RP1: variants seen among roughly 807,000 people sequenced by gnomAD.
RP1 encodes RP1 axonemal microtubule associated.
In RP1, 16 loss-of-function variants were observed where a neutral mutation model predicts 14.8. The observed-to-expected ratio is 1.08, with a 90% CI of 0.73 to 1.65. The LOEUF (loss-of-function observed/expected upper bound fraction) is 1.65. RP1 is among the 40% of genes most tolerant of loss of function. The pLI is 0.00. For missense variants in RP1, 2,631 were observed against 2,535.0 expected (o/e 1.04, Z -0.81); for synonymous variants, 876 against 883.6 (o/e 0.99, Z 0.15).
At chr8:54,767,883 A>G (rs1809799989) in intron 22 of RP1, among the ~76,000 whole-genome samples, 1 of 152,240 alleles carries the variant, frequency 6.6e-6, no homozygotes, top group Non-Finnish European at 1.5e-5. Flanking sequence ...TAAAGTGGTC[A>G]GAAGGAAATG....
chr8:54,775,682 A>T (rs764661743), intron 23 of RP1, among the ~76,000 whole-genome samples: 1 of 152,230 alleles, frequency 6.6e-6, no homozygotes, highest in South Asian at 2.1e-4. Context: ...TTTCAAGGGC[A>T]TAAGAAATGA....
chr8:54,666,712 A>T (rs1305167054), intron 7 of RP1, among the ~76,000 whole-genome samples: 5 of 151,568 alleles, frequency 3.3e-5, no homozygotes, highest in Admixed American at 6.6e-5. Context: ...GTGCAGTCAG[A>T]CCTCTTCCAG....
intron 24 of RP1, among the ~76,000 whole-genome samples, chr8:54,796,957 G>T (rs1012713885): frequency 6.6e-6 from 1 of 152,146 alleles, no homozygotes; most frequent in Non-Finnish European, 1.5e-5. Flanking sequence ...AGATATTATA[G>T]GGAATGATAG....
intron 24 of RP1, among the ~76,000 whole-genome samples, chr8:54,787,395 C>A (rs1294639091): frequency 6.6e-6 from 1 of 152,000 alleles, no homozygotes; most frequent in Non-Finnish European, 1.5e-5. Flanking sequence ...CCATTGAAAT[C>A]ATGAAAATTT....
chr8:54,818,739 G>T (rs373967116), intron 24 of RP1, among the ~76,000 whole-genome samples: 1 of 152,338 alleles, frequency 6.6e-6, no homozygotes, highest in East Asian at 1.9e-4. Flanking sequence ...TCTACTTTGA[G>T]AGGTGAATTA....
chr8:54,730,960 C>T (rs1412213070), intron 17 of RP1, among the ~76,000 whole-genome samples: 4 of 152,024 alleles, frequency 2.6e-5, no homozygotes, highest in Admixed American at 2.6e-4. Context: ...ATTACACTAT[C>T]AGATATTAGG....
rs886062991 is a variant in RP1 at position 54,626,406 on chromosome 8, G to A, written c.2524G>A (p.Val842Met). 6.2e-7 allele frequency: 1 copy of A among 1,613,518 alleles called. No homozygotes were observed. The change falls in exon 4 of 4, where the codon GTG becomes ATG. Residue 842 changes from valine to methionine, a missense_variant. Val to Met is a conservative substitution (Grantham distance 21). Coordinates refer to ENST00000220676, the MANE Select transcript of RP1 (RefSeq NM_006269.2). ...DFYAPQSQAE[V>M]ASGYLRGMAK... ...TTATGCACCGCAATCTCAAGCAGAA[G>A]TGGCATCTGGGTATTTGAGAGGAAT...
At chr8:54,679,370 T>A (rs1338438146) in intron 9 of RP1, 1 of 1,448,826 alleles carries the variant, frequency 6.9e-7, no homozygotes, top group Non-Finnish European at 9.4e-7. Flanking sequence ...TGCCAATGGT[T>A]AATGTAAATA....
At chr8:54,787,420 T>A (rs1293920449) in intron 24 of RP1, among the ~76,000 whole-genome samples, 1 of 152,114 alleles carries the variant, frequency 6.6e-6, no homozygotes, top group Non-Finnish European at 1.5e-5. Flanking sequence ...AAAATGACTT[T>A]GCTGAAATTT....
exon 7 of RP1, chr8:54,663,704 A>G (rs1327399495): frequency 6.6e-7 from 1 of 1,520,960 alleles, no homozygotes; most frequent in Non-Finnish European, 8.8e-7. Context: ...GTCAGTGACA[A>G]TATATGAAGT....
intron 25 of RP1, among the ~76,000 whole-genome samples, chr8:54,841,548 A>C (rs1811790006): frequency 6.6e-6 from 1 of 152,216 alleles, no homozygotes; most frequent in South Asian, 2.1e-4. Flanking sequence ...CTAGTCTATA[A>C]GTCATCATTC....
intron 12 of RP1, among the ~76,000 whole-genome samples, chr8:54,680,818 C>G (rs1028006637): frequency 4.6e-5 from 7 of 151,722 alleles, no homozygotes; most frequent in African/African-American, 1.7e-4. Flanking sequence ...ATTAGCCGGG[C>G]GTGGTGGTGG....
chr8:54,595,781 G>T (rs1331910008), intron 1 of RP1, among the ~76,000 whole-genome samples: 18 of 152,188 alleles, frequency 1.2e-4, no homozygotes, highest in Non-Finnish European at 2.1e-4. Context: ...TTTGAGGATA[G>T]CTGTATTTAC....
chr8:54,836,566 T>G (rs1811660865), intron 24 of RP1, among the ~76,000 whole-genome samples: 4 of 152,176 alleles, frequency 2.6e-5, no homozygotes, highest in Admixed American at 2.6e-4. Context: ...GAGGGCCACA[T>G]GTCAAGGAAA....
At chr8:54,825,442 T>C (rs1811366810) in intron 24 of RP1, among the ~76,000 whole-genome samples, 1 of 152,126 alleles carries the variant, frequency 6.6e-6, no homozygotes, top group East Asian at 1.9e-4. Context: ...AAAAACATGA[T>C]CCATCAAATA....
chr8:54,739,673 T>C (rs890362229), intron 19 of RP1, among the ~76,000 whole-genome samples: 4 of 152,012 alleles, frequency 2.6e-5, no homozygotes, highest in Non-Finnish European at 5.9e-5. Context: ...CATGGTTCCT[T>C]GCAGACTCGT....
intron 24 of RP1, among the ~76,000 whole-genome samples, chr8:54,822,681 A>G (rs543980743): frequency 1.3e-5 from 2 of 152,350 alleles, no homozygotes; most frequent in Non-Finnish European, 2.9e-5. Context: ...AACTACGCAG[A>G]GTAATCCAAG....
intron 7 of RP1, among the ~76,000 whole-genome samples, chr8:54,669,157 C>A (rs953437852): frequency 6.6e-6 from 1 of 151,956 alleles, no homozygotes; most frequent in African/African-American, 2.4e-5. Context: ...CCAGAATCTA[C>A]AAAGAACTTA....
intron 24 of RP1, among the ~76,000 whole-genome samples, chr8:54,831,366 CCTTT>C (rs1044805126): frequency 2.0e-4 from 28 of 138,382 alleles, no homozygotes; most frequent in Non-Finnish European, 3.2e-4. Context: ...ATTTGTTTCT[CCTTT>C]CTTTCTCTTT....
Sources: allele counts gnomAD v4.1 joint callset (sites outside exome capture counted in the v4.1 genomes callset), GRCh38; gene constraint gnomAD v4.1.1; transcripts MANE v1.5; gene names NCBI Gene and HGNC (gene_info 2026-07-23, HGNC 2026-07-21).